Variants in SLC37A1 observed in about 807,000 individuals in gnomAD.
SLC37A1 encodes the protein solute carrier family 37 member 1.
In SLC37A1, 49 loss-of-function variants were observed where a neutral mutation model predicts 75.3. The ratio of observed to expected loss-of-function variants is 0.65; its 90% CI spans 0.52 to 0.83. SLC37A1 has a LOEUF of 0.83. SLC37A1 is among the 40% of genes least tolerant of loss of function. The probability of loss-of-function intolerance (pLI) is 0.00; values close to 1 mark genes in which losing one functional copy is unlikely to be tolerated. For missense variants in SLC37A1, 566 were observed against 695.0 expected (o/e 0.81, Z 2.09); for synonymous variants, 268 against 292.1 (o/e 0.92, Z 0.84).
chr21:42,559,591 T>G (rs1228042180), intron 11 of SLC37A1, among the ~76,000 whole-genome samples: 1 of 152,238 alleles, frequency 6.6e-6, no homozygotes, highest in Admixed American at 6.5e-5. Context: ...TAAAGTGCCT[T>G]TAGGCTGGGC....
At chr21:42,570,419 C>T (rs1370696946) in intron 17 of SLC37A1, among the ~76,000 whole-genome samples, 1 of 152,220 alleles carries the variant, frequency 6.6e-6, no homozygotes, top group African/African-American at 2.4e-5. Flanking sequence ...TTGGTTCCTT[C>T]CTTTCACTGG....
intron 1 of SLC37A1, among the ~76,000 whole-genome samples, chr21:42,517,592 T>C (rs932477753): frequency 1.3e-5 from 2 of 152,190 alleles, no homozygotes; most frequent in Non-Finnish European, 2.9e-5. Flanking sequence ...AGTTTGACAT[T>C]GGGATGGGAG....
Position 42,547,032 on chromosome 21 carries a change from G to C in SLC37A1, c.731-71G>C. ...GGTGCTCCCGTGTTGCCCTGTCCTC[G>C]GGTTACGTAGCTTACTTGGCATTGC... On this transcript the variant is annotated intron_variant, in intron 8 of 19. Transcript: ENST00000352133. This position sits in a 1 kb window ranked among gnomAD's most constrained non-coding sequence, Gnocchi z 6.1. 1 of 1,594,860 alleles carries C rather than the reference G, an allele frequency of 6.3e-7. No individual in the cohort carries two copies. The highest frequency in any genetic ancestry group is 1.1e-5 in the South Asian group (1 of 90,604).
At chr21:42,559,945 G>A (rs531138798) in intron 11 of SLC37A1, among the ~76,000 whole-genome samples, 1 of 152,028 alleles carries the variant, frequency 6.6e-6, no homozygotes, top group South Asian at 2.1e-4. Context: ...GTGTGTGTGA[G>A]CAGAGGATGC....
intron 6 of SLC37A1, among the ~76,000 whole-genome samples, chr21:42,540,129 G>C (rs1436269797): frequency 2.0e-5 from 3 of 152,200 alleles, no homozygotes; most frequent in African/African-American, 7.2e-5. Context: ...ACTAAATGCT[G>C]GGTGATCAAT....
chr21:42,536,839 A>G (rs1258450688), intron 5 of SLC37A1, among the ~76,000 whole-genome samples: 2 of 152,210 alleles, frequency 1.3e-5, no homozygotes, highest in Non-Finnish European at 2.9e-5. Context: ...CGGATCCCTC[A>G]TGACCCAAAT....
chr21:42,576,963 C>A (rs2056321663), intron 18 of SLC37A1, among the ~76,000 whole-genome samples: 2 of 152,122 alleles, frequency 1.3e-5, no homozygotes, highest in Non-Finnish European at 2.9e-5. Flanking sequence ...AGATGATAGA[C>A]TGGATTTGAA....
At chr21:42,546,151 G>A (rs1325352438) in intron 8 of SLC37A1, among the ~76,000 whole-genome samples, 1 of 152,160 alleles carries the variant, frequency 6.6e-6, no homozygotes, top group Non-Finnish European at 1.5e-5. Context: ...AGTCAGAGGG[G>A]GCTGCAGAGG....
chr21:42,554,243 CACAA>C, intron 10 of SLC37A1, 101 bp downstream of exon 10: 1 of 984,682 alleles, frequency 1.0e-6, no homozygotes, highest in Non-Finnish European at 1.5e-6. Flanking sequence ...TGACATGTGT[CACAA>C]ACATCCAGGT....
At chr21:42,549,357 C>T (rs552701317) in intron 9 of SLC37A1, among the ~76,000 whole-genome samples, 5 of 152,168 alleles carry the variant, frequency 3.3e-5, no homozygotes, top group Non-Finnish European at 5.9e-5. Context: ...GCTTCTGCTC[C>T]TCGTGTGTAT....
At chr21:42,509,558 T>A (rs2054416323), upstream of SLC37A1, 1 of 152,256 alleles carries the variant, frequency 6.6e-6, no homozygotes, top group Non-Finnish European at 1.5e-5. The surrounding 1 kb of genome is among the most constrained non-coding windows in gnomAD (Gnocchi z 4.2). Context: ...CACCTAATTA[T>A]GTTTGCTGGA....
In SLC37A1 at chr21:42,563,553, G is replaced by A. The variant is rs189677813; in HGVS notation, c.1073-262G>A. On this transcript the variant is annotated intron_variant, in intron 12 of 19. Transcript: ENST00000352133. ...TCCTGTGTTAATCTAACTTTATGGC[G>A]GAGGGGCCCCTGGGGGGGTCTCTGA... 6.6e-5 allele frequency among the ~76,000 whole-genome samples: 10 copies of A among 152,316 alleles called. No individual in the cohort carries two copies. In the East Asian group the frequency reaches 1.4e-3, roughly 21 times the overall value.
At chr21:42,537,022 T>A (rs751761794) in intron 5 of SLC37A1, among the ~76,000 whole-genome samples, 3 of 152,124 alleles carry the variant, frequency 2.0e-5, no homozygotes, top group African/African-American at 4.8e-5. Context: ...AACCCAGGGA[T>A]CCCCATAAAT....
chr21:42,575,312 CAG>C, intron 18 of SLC37A1: 2 of 985,484 alleles, frequency 2.0e-6, no homozygotes, highest in Non-Finnish European at 2.4e-6. Context: ...AGATGATACA[CAG>C]AGCCTGGCCT....
At chr21:42,566,116 G>C (rs2055970618) in intron 15 of SLC37A1, among the ~76,000 whole-genome samples, 1 of 152,244 alleles carries the variant, frequency 6.6e-6, no homozygotes, top group Admixed American at 6.5e-5. Context: ...GTGCAAGCCT[G>C]GTCTGGGGCA....
intron 6 of SLC37A1, among the ~76,000 whole-genome samples, chr21:42,541,198 G>T (rs993877021): frequency 6.6e-6 from 1 of 152,202 alleles, no homozygotes; most frequent in South Asian, 2.1e-4. Flanking sequence ...AGAATCTAAC[G>T]CCCCGCTGAT....
chr21:42,510,166 T>C (rs890721319), upstream of SLC37A1, among the ~76,000 whole-genome samples: 1 of 152,236 alleles, frequency 6.6e-6, no homozygotes. Flanking sequence ...TAGCTGGGAC[T>C]ACAGGCACAC....
Position 42,543,603 on chromosome 21 carries a change from G to GT in SLC37A1, c.730+2dup, listed in dbSNP as rs777752491. The GT allele has an allele frequency of 1.9e-6, 3 of 1,593,190 alleles. No individual in the cohort carries two copies. Among genetic ancestry groups the GT allele is most frequent in the South Asian group, 2.2e-5 (2 of 89,024 alleles). On this transcript the variant is annotated splice_donor_variant, in intron 8 of 19. Transcript: ENST00000352133. LOFTEE classifies it high-confidence loss of function. Reference sequence around the variant, plus strand: ...GTGTGCTTTCTCTTCCTCATTGAACGTAAGTGCACGTGGCCTTGGAGACCA... The same window carrying GT: ...GTGTGCTTTCTCTTCCTCATTGAACGTTAAGTGCACGTGGCCTTGGAGACCA...
At chr21:42,572,677 C>CAAAAAAAAAAAAAAA (rs552610279) in intron 17 of SLC37A1, among the ~76,000 whole-genome samples, 4 of 80,500 alleles carry the variant, frequency 5.0e-5, no homozygotes, top group Non-Finnish European at 8.3e-5. Flanking sequence ...CACACACACA[C>CAAAAAAAAAAAAAAA]AAAAAAAAAA....
Sources: gnomAD v4.1 joint callset for allele counts (sites outside exome capture counted in the v4.1 genomes callset) on GRCh38, gnomAD v4.1.1 for gene constraint, Gnocchi (gnomAD v3.1) non-coding constraint, MANE v1.5 for transcripts, NCBI Gene and HGNC (gene_info 2026-07-23, HGNC 2026-07-21) for gene names.